Variants in UBXN7 observed in about 807,000 individuals in gnomAD.
UBXN7 encodes UBX domain protein 7, also known as UBX domain-containing protein 7.
Under a neutral mutation model 58.0 loss-of-function variants are expected in UBXN7, and 9 were observed. The observed-to-expected ratio is 0.16, with a 90% CI of 0.09 to 0.27. UBXN7 has a LOEUF of 0.27. UBXN7 is among the 10% of genes least tolerant of loss of function. UBXN7 has a pLI of 1.00. For missense variants in UBXN7, 328 were observed against 599.6 expected (o/e 0.55, Z 4.73); for synonymous variants, 208 against 205.0 (o/e 1.01, Z -0.12).
At chr3:196,418,654 G>A (rs1187199986) in intron 1 of UBXN7, among the ~76,000 whole-genome samples, 2 of 152,204 alleles carry the variant, frequency 1.3e-5, no homozygotes, top group Admixed American at 6.5e-5. Context: ...AGAGGTGATA[G>A]GGAGGCAGTA....
intron 6 of UBXN7, among the ~76,000 whole-genome samples, chr3:196,370,798 A>G (rs1286812675): frequency 6.8e-6 from 1 of 146,626 alleles, no homozygotes; most frequent in Non-Finnish European, 1.5e-5. Flanking sequence ...AGGGAAGCAG[A>G]TGGCTTGGGC....
intron 1 of UBXN7, among the ~76,000 whole-genome samples, chr3:196,412,496 G>C (rs190603906): frequency 1.3e-3 from 191 of 152,064 alleles, no homozygotes; most frequent in African/African-American, 3.3e-3. Flanking sequence ...AATATAAAAT[G>C]GTACAACGAG....
chr3:196,431,776 G>T, intron 1 of UBXN7: 1 of 445,066 alleles, frequency 2.2e-6, no homozygotes, highest in Non-Finnish European at 4.5e-6. Context: ...AGGCACGGCC[G>T]AACCCACCGG....
At chr3:196,392,263 T>C (rs1729608596) in intron 4 of UBXN7, among the ~76,000 whole-genome samples, 1 of 151,832 alleles carries the variant, frequency 6.6e-6, no homozygotes, top group Admixed American at 6.6e-5. Context: ...GAACTTTGGA[T>C]GGCCGAGGTC....
intron 2 of UBXN7, among the ~76,000 whole-genome samples, 178 bp from the exon 3 acceptor site, chr3:196,403,197 G>A (rs763134031): frequency 1.3e-5 from 2 of 152,062 alleles, no homozygotes; most frequent in African/African-American, 2.4e-5. Context: ...TCACTCTGTC[G>A]TCCAGGCTGG....
chr3:196,431,750 C>T (rs1209667733), intron 1 of UBXN7: 1 of 449,464 alleles, frequency 2.2e-6, no homozygotes, highest in Non-Finnish European at 4.5e-6. Context: ...GGCGGCCTGT[C>T]CCCCGTGAAG....
intron 1 of UBXN7, among the ~76,000 whole-genome samples, chr3:196,426,371 A>G (rs1183580881): frequency 1.4e-5 from 2 of 140,722 alleles, no homozygotes; most frequent in Non-Finnish European, 3.1e-5. Context: ...GGGTGACAGG[A>G]TAAGACTTCG....
intron 1 of UBXN7, among the ~76,000 whole-genome samples, chr3:196,421,794 A>T (rs1730696416): frequency 1.3e-5 from 2 of 151,816 alleles, no homozygotes; most frequent in African/African-American, 4.8e-5. Flanking sequence ...AAAAAAAAAG[A>T]TTTATAGATG....
chr3:196,424,428 T>C (rs1320151447), intron 1 of UBXN7, among the ~76,000 whole-genome samples: 1 of 144,018 alleles, frequency 6.9e-6, no homozygotes, highest in Admixed American at 7.2e-5. Flanking sequence ...AAGGTCTCTC[T>C]CTGTCACCCA....
At chr3:196,382,286 G>T (rs1404559798) in intron 5 of UBXN7, among the ~76,000 whole-genome samples, 2 of 152,188 alleles carry the variant, frequency 1.3e-5, no homozygotes, top group Non-Finnish European at 2.9e-5. Context: ...ACTAACAGCA[G>T]ATATCTCTGC....
intron 1 of UBXN7, among the ~76,000 whole-genome samples, chr3:196,424,703 CTTT>C (rs36110858): frequency 7.6e-5 from 8 of 105,238 alleles, no homozygotes; most frequent in East Asian, 3.5e-4. Flanking sequence ...TTTTTATAAC[CTTT>C]TTTTTTTTTT....
intron 1 of UBXN7, among the ~76,000 whole-genome samples, chr3:196,421,325 C>T (rs934526499): frequency 6.6e-6 from 1 of 152,152 alleles, no homozygotes; most frequent in Admixed American, 6.5e-5. Context: ...CAGTACTACC[C>T]AAATGGTAGT....
chr3:196,380,027 A>G (rs542106931), intron 5 of UBXN7, among the ~76,000 whole-genome samples: 2 of 152,164 alleles, frequency 1.3e-5, no homozygotes, highest in Non-Finnish European at 2.9e-5. Context: ...AGGCGGGTGG[A>G]TCACGAGGTC....
chr3:196,422,338 G>A (rs541258178), intron 1 of UBXN7, among the ~76,000 whole-genome samples: 4 of 151,352 alleles, frequency 2.6e-5, no homozygotes, highest in South Asian at 4.2e-4. Flanking sequence ...AAAATTAGCT[G>A]GGCATGGTGG....
At chr3:196,429,297 A>G (rs1730946855) in intron 1 of UBXN7, among the ~76,000 whole-genome samples, 1 of 151,700 alleles carries the variant, frequency 6.6e-6, no homozygotes, top group East Asian at 1.9e-4. Context: ...ACTGCACTCC[A>G]GCCTGGGTGA....
chr3:196,361,513 G>A (rs993221143), intron 10 of UBXN7, among the ~76,000 whole-genome samples: 4 of 151,888 alleles, frequency 2.6e-5, no homozygotes, highest in Admixed American at 6.6e-5. Context: ...ATTTTTTGTC[G>A]AAGGAAGCAA....
At chr3:196,417,237 C>CG (rs1314466632) in intron 1 of UBXN7, among the ~76,000 whole-genome samples, 6 of 152,162 alleles carry the variant, frequency 3.9e-5, no homozygotes, top group African/African-American at 7.2e-5. Flanking sequence ...GGCGTGAACC[C>CG]GGCAGCGGAG....
chr3:196,429,520 G>A (rs1199281831), intron 1 of UBXN7, among the ~76,000 whole-genome samples: 1 of 151,734 alleles, frequency 6.6e-6, no homozygotes, highest in Non-Finnish European at 1.5e-5. Flanking sequence ...AAAAAGTAAG[G>A]ACTCACATTT....
intron 8 of UBXN7, among the ~76,000 whole-genome samples, chr3:196,366,580 C>T (rs1728673584): frequency 6.6e-6 from 1 of 151,588 alleles, no homozygotes; most frequent in Non-Finnish European, 1.5e-5. Context: ...CAATACAATA[C>T]AATAAATACA....
Sources: allele counts gnomAD v4.1 joint callset (sites outside exome capture counted in the v4.1 genomes callset), GRCh38; gene constraint gnomAD v4.1.1; transcripts MANE v1.5; gene names NCBI Gene and HGNC (gene_info 2026-07-23, HGNC 2026-07-21).